D2HGDH: variants seen among roughly 807,000 people sequenced by gnomAD.
The protein encoded by D2HGDH is D-2-hydroxyglutarate dehydrogenase, mitochondrial.
In D2HGDH, 31 loss-of-function variants were observed where a neutral mutation model predicts 46.9. The observed-to-expected ratio is 0.66, with a 90% CI of 0.50 to 0.89. D2HGDH has a LOEUF of 0.89. Among genes scored for constraint, D2HGDH ranks in the 40% least tolerant of loss-of-function variants. D2HGDH has a pLI of 0.00. For missense variants in D2HGDH, 698 were observed against 720.8 expected, an observed-to-expected ratio of 0.97 and a Z score of 0.36; for synonymous variants, 364 against 332.6, an observed-to-expected ratio of 1.09 and a Z score of -1.03.
intron 2 of D2HGDH, among the ~76,000 whole-genome samples, chr2:241,739,465 C>T (rs1015594118): frequency 2.0e-5 from 3 of 152,256 alleles, no homozygotes; most frequent in Non-Finnish European, 4.4e-5. Context: ...GCAAAAATTG[C>T]TCATTTGATG....
At chr2:241,749,463 C>T (rs750597302) in intron 6 of D2HGDH, 5 of 1,034,828 alleles carry the variant, frequency 4.8e-6, no homozygotes, top group Non-Finnish European at 6.2e-6. Flanking sequence ...CATCTCCACT[C>T]AGTTCCTTTC....
intron 2 of D2HGDH, among the ~76,000 whole-genome samples, chr2:241,740,105 A>C (rs769840880): frequency 1.6e-4 from 24 of 152,210 alleles, no homozygotes; most frequent in Non-Finnish European, 3.2e-4. Flanking sequence ...TGATTGTGTC[A>C]CTGTACTCCA....
chr2:241,742,423 T>G lies in D2HGDH; in HGVS notation c.351-12T>G. The G allele has an allele frequency of 6.2e-7, 1 of 1,605,624 alleles. No homozygotes were observed. Among genetic ancestry groups the G allele is most frequent in the Non-Finnish European group, 8.5e-7 (1 of 1,175,860 alleles). On this transcript the variant is annotated splice_polypyrimidine_tract_variant and intron_variant, in intron 3 of 9. Coordinates refer to ENST00000321264, the MANE Select transcript of D2HGDH (RefSeq NM_152783.5). This position sits in a 1 kb window ranked among gnomAD's most constrained non-coding sequence, Gnocchi z 4.8. ...GGACAGAGCCCCAACGTCCCTCCTG[T>G]CCTCATCCCAGGCACTGCCACGAGA...
chr2:241,748,127 GT>G (rs1388908368), intron 6 of D2HGDH, among the ~76,000 whole-genome samples: 1 of 151,718 alleles, frequency 6.6e-6, no homozygotes, highest in East Asian at 1.9e-4. Context: ...GCGTTTTTTT[GT>G]TTTTGTTTTT....
intron 9 of D2HGDH, among the ~76,000 whole-genome samples, chr2:241,761,764 G>C (rs955439108): frequency 6.6e-6 from 1 of 152,086 alleles, no homozygotes; most frequent in Non-Finnish European, 1.5e-5. Flanking sequence ...ATTCTGCGTA[G>C]CCAGTTTGCA....
At chr2:241,760,464 C>CT (rs1173947175) in intron 9 of D2HGDH, among the ~76,000 whole-genome samples, 11 of 133,532 alleles carry the variant, frequency 8.2e-5, no homozygotes, top group South Asian at 5.1e-4. Flanking sequence ...CAGTTGAAGG[C>CT]TTTTTGCCAC....
At position 241,734,988 on chromosome 2, in the gene D2HGDH, C is replaced by G. The variant is rs895397058; in HGVS notation, c.-92-145C>G. 2.9e-5 allele frequency: 15 copies of G among 518,250 alleles called. 1 individual carries two copies. In the Admixed American group the frequency reaches 5.7e-4, roughly 20 times the overall value. The allele number at this position is 518,250 out of a possible 1,614,324, so 32.1% of individuals were successfully genotyped here. A position where few individuals can be genotyped will look rare whatever the true frequency, so the allele number is the denominator to read the frequency against. On this transcript the variant is annotated intron_variant, in intron 1 of 9. Coordinates refer to ENST00000321264, the MANE Select transcript of D2HGDH (RefSeq NM_152783.5). ...CCTGCTGCGTGGGGCTTCGCGCGCT[C>G]GCGGGGTTGCGGCCCGGGCAGGGGG...
At chr2:241,755,295 C>T (rs1449294512) in intron 8 of D2HGDH, 1 of 1,302,322 alleles carries the variant, frequency 7.7e-7, no homozygotes, top group Admixed American at 2.3e-5. Flanking sequence ...ATGTCCCTGC[C>T]TCCCACCCGA....
rs570791113 is a variant in D2HGDH at position 241,753,696 on chromosome 2, C to G, written c.1141-2153C>G. On this transcript the variant is annotated intron_variant, in intron 8 of 9. Transcript: ENST00000321264. ...GCCACACTGGTCGCACCAGATGCCCCGGGCTCCTCTGAGTAGTGACCACGG... is the reference window on the plus strand; with the variant it reads ...GCCACACTGGTCGCACCAGATGCCCGGGGCTCCTCTGAGTAGTGACCACGG... Among the ~76,000 whole-genome samples the G allele has an allele frequency of 3.0e-4, 46 of 152,368 alleles. No homozygotes were observed. In the East Asian group the frequency reaches 8.1e-3, roughly 27 times the overall value.
chr2:241,745,315 G>C (rs1450934823), intron 6 of D2HGDH, among the ~76,000 whole-genome samples: 1 of 152,222 alleles, frequency 6.6e-6, no homozygotes, highest in Non-Finnish European at 1.5e-5. Flanking sequence ...CAGCAGACCT[G>C]CCTGCTGCTG....
At chr2:241,757,140 C>T (rs1402987871) in intron 9 of D2HGDH, among the ~76,000 whole-genome samples, 2 of 152,212 alleles carry the variant, frequency 1.3e-5, no homozygotes, top group African/African-American at 4.8e-5. Context: ...TGTGGAGAAA[C>T]TTCTCTGCAC....
chr2:241,746,534 AT>A (rs1049202710), intron 6 of D2HGDH, among the ~76,000 whole-genome samples: 1 of 152,116 alleles, frequency 6.6e-6, no homozygotes, highest in African/African-American at 2.4e-5. Flanking sequence ...CGGGTGGGTC[AT>A]TTGAGGTCAG....
rs764487647 is a variant in D2HGDH at position 241,750,264 on chromosome 2, C to T, written c.967C>T (p.Arg323Cys). The T allele has an allele frequency of 1.1e-5, 18 of 1,613,628 alleles. No homozygotes were observed. In the Middle Eastern group the frequency reaches 5.0e-4, roughly 45 times the overall value. The change falls in exon 7 of 10, where the codon CGC (arginine) becomes TGC (cysteine). Residue 323 changes from arginine (R) to cysteine (C), a missense_variant. Coordinates refer to ENST00000321264, the MANE Select transcript of D2HGDH (RefSeq NM_152783.5). ...MDAVCMQLVG[R>C]HLHLASPVQE... ...TGCTGTGTGCATGCAGCTGGTCGGG[C>T]GCCATCTCCACCTGGCCAGCCCGGT...
chr2:241,747,305 C>G (rs569120073), intron 6 of D2HGDH, among the ~76,000 whole-genome samples: 13 of 152,118 alleles, frequency 8.5e-5, no homozygotes, highest in Non-Finnish European at 1.5e-4. Flanking sequence ...GCTTGGCTGT[C>G]TGTGGCAGTG....
chr2:241,759,900 C>T (rs1411795918), intron 9 of D2HGDH, among the ~76,000 whole-genome samples: 7 of 152,310 alleles, frequency 4.6e-5, no homozygotes, highest in South Asian at 2.1e-4. Flanking sequence ...GCCCTGGTAC[C>T]CTCGTTTGGT....
intron 8 of D2HGDH, among the ~76,000 whole-genome samples, chr2:241,753,247 G>C (rs1200940645): frequency 6.6e-6 from 1 of 152,232 alleles, no homozygotes. Flanking sequence ...GGCTCGATGA[G>C]TTGACCCGGA....
chr2:241,755,544 G>T (rs775569543), intron 8 of D2HGDH: 124 of 1,401,092 alleles, frequency 8.9e-5, no homozygotes, highest in Non-Finnish European at 1.1e-4. Flanking sequence ...CCTGATTGCC[G>T]GAGTCCCAGG....
intron 6 of D2HGDH, among the ~76,000 whole-genome samples, chr2:241,746,898 A>AG: frequency 6.6e-6 from 1 of 152,122 alleles, no homozygotes; most frequent in East Asian, 1.9e-4. Context: ...AAAAAAAAAA[A>AG]AAAAAACTTT....
At chr2:241,748,934 G>A (rs959073331) in intron 6 of D2HGDH, 6 of 1,293,412 alleles carry the variant, frequency 4.6e-6, no homozygotes, top group Admixed American at 2.3e-5. Context: ...CCTGCTCTTC[G>A]CACTCCAGGT....
Sources: gnomAD v4.1 joint callset for allele counts (sites outside exome capture counted in the v4.1 genomes callset) on GRCh38, gnomAD v4.1.1 for gene constraint, Gnocchi (gnomAD v3.1) non-coding constraint, MANE v1.5 for transcripts, NCBI Gene and HGNC (gene_info 2026-07-23, HGNC 2026-07-21) for gene names.